The following TRAK1 variants were observed in gnomAD, a reference collection of about 807,000 sequenced individuals.
The protein encoded by TRAK1 is trafficking kinesin-binding protein 1.
In TRAK1, 33 loss-of-function variants were observed where a neutral mutation model predicts 92.1. The ratio of observed to expected loss-of-function variants is 0.36; its 90% confidence interval spans 0.27 to 0.48. The LOEUF is 0.48. Among genes scored for constraint, TRAK1 ranks in the 20% least tolerant of loss-of-function variants. The pLI is 0.99. For synonymous variants in TRAK1, 521 were observed against 517.3 expected, an observed-to-expected ratio of 1.01 and a Z score of -0.10; for missense variants, 1,123 against 1,257.9, an observed-to-expected ratio of 0.89 and a Z score of 1.62.
intron 10 of TRAK1, among the ~76,000 whole-genome samples, chr3:42,198,013 A>G (rs886731983): frequency 1.4e-4 from 21 of 152,234 alleles, no homozygotes; most frequent in African/African-American, 4.6e-4. Context: ...TGGTTTCCAC[A>G]TGTACATATG....
At chr3:42,152,209 C>G (rs376351498) in intron 2 of TRAK1, among the ~76,000 whole-genome samples, 1 of 152,134 alleles carries the variant, frequency 6.6e-6, no homozygotes, top group East Asian at 1.9e-4. Context: ...CCTGCTCCCC[C>G]GCCCCCAGAG....
chr3:42,038,369 G>A lies in TRAK1; in HGVS notation c.-519+24252G>A, dbSNP rs146788225. ...AGGCAGGTTCTCACTCCGTTGTCCAGGTTGGAGTGCAGTGGTGTGATCACA... is the reference window on the plus strand; with the variant it reads ...AGGCAGGTTCTCACTCCGTTGTCCAAGTTGGAGTGCAGTGGTGTGATCACA... On this transcript the variant is annotated intron_variant, in intron 1 of 16. Transcript: ENST00000487159. 1.7e-3 allele frequency among the ~76,000 whole-genome samples: 252 copies of A among 152,282 alleles called. 1 individual carries two copies. The highest frequency in any genetic ancestry group is 5.9e-3 in the African/African-American group (244 of 41,546).
intron 2 of TRAK1, among the ~76,000 whole-genome samples, chr3:42,132,249 T>G (rs541112382): frequency 5.3e-5 from 8 of 151,818 alleles, no homozygotes; most frequent in African/African-American, 1.5e-4. Context: ...TTTTTGTTTT[T>G]TTTTTTTTGT....
rs138827715 is a variant in TRAK1 at position 42,058,849 on chromosome 3, G to A, written c.-518-28255G>A. On this transcript the variant is annotated intron_variant, in intron 1 of 16. Coordinates refer to the TRAK1 transcript ENST00000487159. Reference sequence around the variant, plus strand: ...CAAAAAATGCTACAAAGTAAGCATAGTAAAGGACGATTGGCTATAAGACAA... The same window carrying A: ...CAAAAAATGCTACAAAGTAAGCATAATAAAGGACGATTGGCTATAAGACAA... Among the ~76,000 whole-genome samples, 7 of 152,304 alleles carry A rather than the reference G, an allele frequency of 4.6e-5. No individual in the cohort carries two copies. In the East Asian group the frequency reaches 1.3e-3, roughly 29 times the overall value.
Position 42,059,024 on chromosome 3 carries a change from A to G in TRAK1, c.-518-28080A>G, listed in dbSNP as rs2148922968. Among the ~76,000 whole-genome samples the G allele has an allele frequency of 1.3e-5, 2 of 152,312 alleles. 1 individual carries two copies. The highest frequency in any genetic ancestry group is 4.1e-4 in the South Asian group (2 of 4,828). On this transcript the variant is annotated intron_variant, in intron 1 of 16. Coordinates refer to the TRAK1 transcript ENST00000487159. ...TCCAGGTGTGTATGCATGCGTGTAT[A>G]TATTTGTATGTATATGTATACACAC...
chr3:42,096,082 T>G (rs1705871290), intron 1 of TRAK1, among the ~76,000 whole-genome samples: 3 of 152,174 alleles, frequency 2.0e-5, no homozygotes, highest in Admixed American at 2.0e-4. Context: ...AGCCACCAGT[T>G]TATGGTATTT....
chr3:42,179,265 C>CT (rs371545166), intron 3 of TRAK1, among the ~76,000 whole-genome samples: 6 of 152,342 alleles, frequency 3.9e-5, no homozygotes, highest in Non-Finnish European at 8.8e-5. Flanking sequence ...TGGTTAAAGT[C>CT]TAACTGTCCC....
chr3:42,100,416 T>C (rs1029794689), intron 1 of TRAK1, among the ~76,000 whole-genome samples: 1 of 152,216 alleles, frequency 6.6e-6, no homozygotes, highest in African/African-American at 2.4e-5. Context: ...CTTAGTTGTG[T>C]AGAAGAAAAG....
intron 14 of TRAK1, chr3:42,212,628 A>G (rs1267200123): frequency 5.8e-6 from 5 of 859,764 alleles, no homozygotes; most frequent in Non-Finnish European, 7.0e-6. Context: ...AAAGTTTTAG[A>G]TTATAGTTTT....
intron 2 of TRAK1, among the ~76,000 whole-genome samples, chr3:42,139,151 G>T (rs746420833): frequency 2.6e-5 from 4 of 152,108 alleles, no homozygotes; most frequent in Non-Finnish European, 5.9e-5. Context: ...TAGTTATCAA[G>T]AATTTCTTTT....
At chr3:42,043,348 A>C (rs1268135072) in intron 1 of TRAK1, among the ~76,000 whole-genome samples, 5 of 144,302 alleles carry the variant, frequency 3.5e-5, no homozygotes, top group East Asian at 2.0e-4. Context: ...CCCGACTCAC[A>C]CTCCCTCTTG....
At chr3:42,054,349 G>C (rs983161828) in intron 1 of TRAK1, among the ~76,000 whole-genome samples, 8 of 152,186 alleles carry the variant, frequency 5.3e-5, no homozygotes, top group Non-Finnish European at 1.2e-4. Context: ...GCCCCAGCCT[G>C]GTAGGCAGAG....
chr3:42,054,666 A>G (rs1250262830), intron 1 of TRAK1, among the ~76,000 whole-genome samples: 2 of 152,140 alleles, frequency 1.3e-5, no homozygotes, highest in Non-Finnish European at 1.5e-5. Context: ...CATGGTAGAA[A>G]TATTTTTGAA....
At chr3:42,176,963 C>A in intron 3 of TRAK1, 73 bp downstream of exon 3, 3 of 1,326,128 alleles carry the variant, frequency 2.3e-6, no homozygotes, top group Non-Finnish European at 3.2e-6. Context: ...TTAAAGCATG[C>A]CTTATCACCT....
chr3:42,210,908 G>C, intron 14 of TRAK1: 1 of 985,282 alleles, frequency 1.0e-6, no homozygotes, highest in Non-Finnish European at 1.2e-6. Context: ...CATTCCAGTT[G>C]CCACTGGGAT....
intron 11 of TRAK1, among the ~76,000 whole-genome samples, chr3:42,199,504 A>G (rs1404495622): frequency 6.6e-6 from 1 of 152,136 alleles, no homozygotes; most frequent in Non-Finnish European, 1.5e-5. Flanking sequence ...TGGGCACGCC[A>G]GAGTGCAGTG....
At chr3:42,017,148 C>T (rs545870135) in intron 1 of TRAK1, among the ~76,000 whole-genome samples, 40 of 152,204 alleles carry the variant, frequency 2.6e-4, no homozygotes, top group African/African-American at 8.7e-4. Context: ...GTAATCCCAG[C>T]GACGTGGGAG....
At chr3:42,222,807 TG>T (rs1710486650) in intron 15 of TRAK1, 134 bp from the exon 16 acceptor site, 6 of 854,768 alleles carry the variant, frequency 7.0e-6, no homozygotes, top group Non-Finnish European at 1.1e-5. Context: ...ACAGAGCCTT[TG>T]GGGGCCTCAG....
intron 1 of TRAK1, among the ~76,000 whole-genome samples, chr3:42,042,063 A>G (rs928993957): frequency 1.3e-5 from 2 of 152,184 alleles, no homozygotes; most frequent in African/African-American, 2.4e-5. Flanking sequence ...AAGTGCTGGA[A>G]TTACAGGCAT....
Sources: allele counts gnomAD v4.1 joint callset (sites outside exome capture counted in the v4.1 genomes callset), GRCh38; gene constraint gnomAD v4.1.1; transcripts MANE v1.5; gene names NCBI Gene and HGNC (gene_info 2026-07-23, HGNC 2026-07-21).